The following DENND4A variants were observed in gnomAD, a reference collection of about 807,000 sequenced individuals.
DENND4A encodes the protein DENN domain containing 4A.
Under a neutral mutation model 199.3 loss-of-function variants are expected in DENND4A, and 70 were observed. The ratio of observed to expected loss-of-function variants is 0.35; its 90% confidence interval spans 0.29 to 0.43. The LOEUF is 0.43. DENND4A is among the 20% of genes least tolerant of loss of function. DENND4A has a pLI of 1.00. For synonymous variants in DENND4A, 686 were observed against 766.9 expected, an observed-to-expected ratio of 0.89 and a Z score of 1.74; for missense variants, 1,723 against 2,255.8, an observed-to-expected ratio of 0.76 and a Z score of 4.78.
At chr15:65,787,898 C>T (rs900715192) in intron 1 of DENND4A, among the ~76,000 whole-genome samples, 1 of 152,078 alleles carries the variant, frequency 6.6e-6, no homozygotes, top group African/African-American at 2.4e-5. Flanking sequence ...AAGACCATTG[C>T]CTACTGACTG....
chr15:65,770,114 T>C (rs1454239037), intron 1 of DENND4A, among the ~76,000 whole-genome samples: 1 of 152,202 alleles, frequency 6.6e-6, no homozygotes, highest in Non-Finnish European at 1.5e-5. Context: ...CACTTGCATG[T>C]GGCCAAACAG....
At chr15:65,669,662 GA>G in intron 27 of DENND4A, 116 bp downstream of exon 27, 1 of 827,598 alleles carries the variant, frequency 1.2e-6, no homozygotes, top group South Asian at 2.1e-5. Flanking sequence ...TTAAGATTAT[GA>G]ATCTGTTATT....
At position 65,667,669 on chromosome 15, in the gene DENND4A, G is replaced by C; in HGVS notation, c.5021C>G (p.Pro1674Arg). Residue 1674 changes from proline to arginine, a missense_variant, in exon 29 of 33, where the codon CCC becomes CGC. Physicochemically the swap from Pro to Arg is moderately radical, Grantham distance 103. This residue lies in a region of DENND4A where 141 missense variants were observed against 170.7 expected (regional missense o/e 0.83). Transcript: ENST00000443035. ...SLGLEWHLPS[P>R]DPVTVPYLSP... is the part of the protein sequence containing the mutation. ...AAGATACGGAACAGTGACAGGATCG[G>C]GACTTGGAAGGTGCCATTCTAAACC... 3.1e-6 allele frequency: 5 copies of C among 1,613,808 alleles called. No individual in the cohort carries two copies. Among genetic ancestry groups the C allele is most frequent in the Non-Finnish European group, 3.4e-6 (4 of 1,179,874 alleles).
intron 7 of DENND4A, among the ~76,000 whole-genome samples, chr15:65,734,530 A>G (rs1025051136): frequency 2.6e-5 from 4 of 152,070 alleles, no homozygotes; most frequent in East Asian, 1.9e-4. Context: ...TTCTTTCTCT[A>G]TACTTTGTCT....
At chr15:65,776,097 C>T (rs941403960) in intron 1 of DENND4A, among the ~76,000 whole-genome samples, 8 of 152,106 alleles carry the variant, frequency 5.3e-5, no homozygotes, top group Admixed American at 1.3e-4. Context: ...ATGATTATCC[C>T]ATTAATATTC....
At chr15:65,676,384 G>A in intron 24 of DENND4A, 61 bp downstream of exon 24, 1 of 1,288,376 alleles carries the variant, frequency 7.8e-7, no homozygotes, top group Non-Finnish European at 1.0e-6. Flanking sequence ...AAAAGTGAAA[G>A]TGTCACAATT....
intron 8 of DENND4A, among the ~76,000 whole-genome samples, chr15:65,732,205 T>C (rs553408827): frequency 2.0e-5 from 3 of 152,216 alleles, no homozygotes; most frequent in Admixed American, 1.3e-4. Flanking sequence ...CCAAAAAAGT[T>C]TGTTAACTTC....
At chr15:65,768,194 G>A (rs1005731523) in intron 1 of DENND4A, among the ~76,000 whole-genome samples, 92 of 152,016 alleles carry the variant, frequency 6.1e-4, no homozygotes, top group African/African-American at 2.1e-3. Flanking sequence ...GTAGAGATGC[G>A]GTTTTGCCAT....
chr15:65,725,394 C>G (rs183261897), intron 11 of DENND4A, among the ~76,000 whole-genome samples: 2 of 151,992 alleles, frequency 1.3e-5, no homozygotes, highest in African/African-American at 4.8e-5. Flanking sequence ...AGAACTACCT[C>G]GGCTGGGCGC....
intron 4 of DENND4A, among the ~76,000 whole-genome samples, chr15:65,744,145 G>A (rs1234383399): frequency 6.6e-6 from 1 of 152,008 alleles, no homozygotes; most frequent in Non-Finnish European, 1.5e-5. Context: ...GTCAGATTCT[G>A]GGTATATTCT....
At chr15:65,679,103 T>C (rs1310888032) in intron 23 of DENND4A, among the ~76,000 whole-genome samples, 1 of 151,610 alleles carries the variant, frequency 6.6e-6, no homozygotes, top group African/African-American at 2.4e-5. Context: ...TATGATTTTA[T>C]TATTATTTTG....
intron 16 of DENND4A, 42 bp downstream of exon 16, chr15:65,702,831 C>A (rs1200529654): frequency 1.9e-6 from 3 of 1,555,982 alleles, no homozygotes; most frequent in African/African-American, 1.4e-5. Flanking sequence ...CAATTTATTT[C>A]TTGTTCTAAA....
At chr15:65,725,632 A>C (rs76449375) in intron 11 of DENND4A, among the ~76,000 whole-genome samples, 28,381 of 149,226 alleles carry the variant, frequency 0.19, 3,759 homozygotes, top group East Asian at 0.73. Flanking sequence ...AGCTGAGATC[A>C]CGCCACCACA....
chr15:65,734,660 G>T (rs1039109588), intron 7 of DENND4A, among the ~76,000 whole-genome samples: 1 of 152,206 alleles, frequency 6.6e-6, no homozygotes, highest in Admixed American at 6.5e-5. Flanking sequence ...TCAAGCAGGG[G>T]ATGAATACCA....
chr15:65,742,968 C>A (rs1461943098), intron 4 of DENND4A, among the ~76,000 whole-genome samples: 1 of 152,076 alleles, frequency 6.6e-6, no homozygotes, highest in Admixed American at 6.6e-5. Flanking sequence ...ATTCCTTACA[C>A]AATCCATGCA....
chr15:65,708,574 A>G (rs1240462403), intron 14 of DENND4A, among the ~76,000 whole-genome samples: 2 of 152,222 alleles, frequency 1.3e-5, no homozygotes, highest in Non-Finnish European at 2.9e-5. Flanking sequence ...AATAAATCCT[A>G]CATTTATCAG....
At chr15:65,772,944 C>G (rs1432723274) in intron 1 of DENND4A, among the ~76,000 whole-genome samples, 3 of 137,366 alleles carry the variant, frequency 2.2e-5, no homozygotes, top group African/African-American at 8.1e-5. Flanking sequence ...TGCTGGCACC[C>G]TGATCTCGGA....
chr15:65,789,495 A>G (rs1474931895), intron 1 of DENND4A, among the ~76,000 whole-genome samples: 1 of 149,130 alleles, frequency 6.7e-6, no homozygotes, highest in East Asian at 2.1e-4. Flanking sequence ...AACAATCAAT[A>G]TAGGGTATTA....
chr15:65,772,177 G>A (rs527694698), intron 1 of DENND4A: 2 of 682,888 alleles, frequency 2.9e-6, no homozygotes, highest in Non-Finnish European at 5.3e-6. Flanking sequence ...AATTACATTA[G>A]CAACACCATT....
Sources: allele counts gnomAD v4.1 joint callset (sites outside exome capture counted in the v4.1 genomes callset), GRCh38; gene constraint gnomAD v4.1.1; regional missense constraint gnomAD v4.1.1; transcripts MANE v1.5; gene names NCBI Gene and HGNC (gene_info 2026-07-23, HGNC 2026-07-21).